Variants in GTF2F2 observed in about 807,000 individuals in gnomAD.
GTF2F2 encodes general transcription factor IIF subunit 2.
GTF2F2 carries 23 observed loss-of-function variants against 42.2 expected under a neutral mutation model. The observed-to-expected ratio is 0.55, with a 90% CI of 0.39 to 0.77. The LOEUF (loss-of-function observed/expected upper bound fraction) is 0.77. Ranked by LOEUF, GTF2F2 falls within the 30% of genes least tolerant of loss-of-function variation. The pLI, the probability that GTF2F2 is intolerant of heterozygous loss-of-function variation, is 0.00. For missense variants in GTF2F2, 261 were observed against 287.2 expected, an observed-to-expected ratio of 0.91 and a Z score of 0.66; for synonymous variants, 105 against 100.8, an observed-to-expected ratio of 1.04 and a Z score of -0.25.
chr13:45,207,332 T>C, intron 4 of GTF2F2, 92 bp from the exon 5 acceptor site: 4 of 707,974 alleles, frequency 5.6e-6, no homozygotes, highest in Non-Finnish European at 9.7e-6. Context: ...ATTAATTATA[T>C]TTGATTGTCA....
At chr13:45,212,005 C>G (rs566475094) in intron 5 of GTF2F2, among the ~76,000 whole-genome samples, 1 of 152,050 alleles carries the variant, frequency 6.6e-6, no homozygotes, top group African/African-American at 2.4e-5. Context: ...TATGCGCACG[C>G]ACACACACAG....
At chr13:45,204,878 A>G (rs1027731164) in intron 4 of GTF2F2, among the ~76,000 whole-genome samples, 2 of 152,178 alleles carry the variant, frequency 1.3e-5, no homozygotes, top group African/African-American at 4.8e-5. Flanking sequence ...ATAGAAAATT[A>G]TGGTTTGAGA....
chr13:45,227,263 G>A (rs1402722993), intron 5 of GTF2F2, among the ~76,000 whole-genome samples: 1 of 152,078 alleles, frequency 6.6e-6, no homozygotes, highest in Non-Finnish European at 1.5e-5. Context: ...AAATTTAGAA[G>A]AGCATATTGA....
intron 2 of GTF2F2, among the ~76,000 whole-genome samples, chr13:45,140,469 T>A (rs987529031): frequency 2.0e-5 from 3 of 152,208 alleles, no homozygotes; most frequent in Non-Finnish European, 4.4e-5. Flanking sequence ...TTTGTACAAG[T>A]CACTGAATCT....
intron 6 of GTF2F2, among the ~76,000 whole-genome samples, chr13:45,259,290 G>A (rs2138255042): frequency 6.6e-6 from 1 of 152,286 alleles, no homozygotes; most frequent in East Asian, 1.9e-4. Flanking sequence ...GCTGGGTATT[G>A]TGGCACATGC....
chr13:45,122,727 T>C (rs9316119), intron 1 of GTF2F2, among the ~76,000 whole-genome samples: 36,248 of 152,148 alleles, frequency 0.24, 4,808 homozygotes, highest in African/African-American at 0.34. Context: ...GAAGTACATA[T>C]TGATTTCAAG....
intron 7 of GTF2F2, among the ~76,000 whole-genome samples, chr13:45,270,867 T>C (rs1876759405): frequency 6.6e-6 from 1 of 152,178 alleles, no homozygotes; most frequent in South Asian, 2.1e-4. Context: ...AAAAACTTTA[T>C]CTAATTGCTC....
intron 2 of GTF2F2, among the ~76,000 whole-genome samples, chr13:45,147,377 A>G (rs1870246961): frequency 6.6e-6 from 1 of 152,164 alleles, no homozygotes; most frequent in Admixed American, 6.5e-5. Flanking sequence ...TGTTTTGTCT[A>G]CAGCACCTCT....
At chr13:45,264,028 G>C in intron 6 of GTF2F2, 1 of 152,098 alleles carries the variant, frequency 6.6e-6, no homozygotes, top group East Asian at 1.9e-4. Context: ...AGTTCGTCTT[G>C]ATAAGTAAAC....
At chr13:45,232,509 C>T (rs1016590418) in intron 5 of GTF2F2, among the ~76,000 whole-genome samples, 4 of 152,014 alleles carry the variant, frequency 2.6e-5, no homozygotes, top group Non-Finnish European at 4.4e-5. Flanking sequence ...GTGGCATGTA[C>T]CTATAGTCCC....
At chr13:45,226,203 C>T (rs1356544055) in intron 5 of GTF2F2, among the ~76,000 whole-genome samples, 1 of 152,002 alleles carries the variant, frequency 6.6e-6, no homozygotes, top group Non-Finnish European at 1.5e-5. Flanking sequence ...GAATTCAGTA[C>T]CATGTGACTG....
chr13:45,205,565 G>A (rs1873379203), intron 4 of GTF2F2, among the ~76,000 whole-genome samples: 1 of 152,206 alleles, frequency 6.6e-6, no homozygotes, highest in Admixed American at 6.5e-5. Context: ...CTGTTGCCAG[G>A]CTGGAGTGCA....
At chr13:45,245,353 A>G (rs1371680599) in intron 5 of GTF2F2, among the ~76,000 whole-genome samples, 2 of 151,550 alleles carry the variant, frequency 1.3e-5, no homozygotes, top group African/African-American at 4.8e-5. Context: ...GGTTACATGT[A>G]TAATTTCTTC....
chr13:45,211,228 T>C (rs1873624913), intron 5 of GTF2F2, among the ~76,000 whole-genome samples: 1 of 152,116 alleles, frequency 6.6e-6, no homozygotes, highest in Non-Finnish European at 1.5e-5. Context: ...GCAGTTTACA[T>C]AAGAGACTCG....
intron 6 of GTF2F2, among the ~76,000 whole-genome samples, chr13:45,254,352 T>A (rs1363495988): frequency 6.6e-6 from 1 of 152,200 alleles, no homozygotes; most frequent in Non-Finnish European, 1.5e-5. Flanking sequence ...TTGCAACATA[T>A]CTCCTGCCAA....
chr13:45,209,775 C>G (rs1339853329), intron 5 of GTF2F2, among the ~76,000 whole-genome samples: 4 of 152,134 alleles, frequency 2.6e-5, no homozygotes, highest in Non-Finnish European at 5.9e-5. Flanking sequence ...AGATCTTTCC[C>G]GCAAAACCCG....
intron 7 of GTF2F2, among the ~76,000 whole-genome samples, chr13:45,271,614 C>T (rs1461680560): frequency 1.3e-5 from 2 of 151,838 alleles, no homozygotes; most frequent in African/African-American, 2.4e-5. Flanking sequence ...TGCAGTGACA[C>T]GATCTCAGCT....
intron 7 of GTF2F2, among the ~76,000 whole-genome samples, chr13:45,277,377 G>A (rs1382080211): frequency 6.6e-6 from 1 of 152,158 alleles, no homozygotes; most frequent in Non-Finnish European, 1.5e-5. Flanking sequence ...AAGCAGGAGT[G>A]AGAGAGTGAG....
At chr13:45,161,390 A>G (rs1038046356) in intron 4 of GTF2F2, among the ~76,000 whole-genome samples, 22 of 152,198 alleles carry the variant, frequency 1.4e-4, no homozygotes, top group Admixed American at 1.4e-3. Flanking sequence ...GTAGTGTGAA[A>G]AGATTGCAAG....
Sources: gnomAD v4.1 joint callset for allele counts (sites outside exome capture counted in the v4.1 genomes callset) on GRCh38, gnomAD v4.1.1 for gene constraint, MANE v1.5 for transcripts, NCBI Gene and HGNC (gene_info 2026-07-23, HGNC 2026-07-21) for gene names.